The following SPSB4 variants were observed in gnomAD, a reference collection of about 807,000 sequenced individuals.
SPSB4 encodes the protein splA/ryanodine receptor domain and SOCS box containing 4, also known as SPRY domain-containing SOCS box protein 4.
SPSB4 carries 21 observed loss-of-function variants against 20.9 expected under a neutral mutation model. The ratio of observed to expected loss-of-function variants is 1.01; its 90% CI spans 0.71 to 1.45. The LOEUF (loss-of-function observed/expected upper bound fraction) is 1.45, where lower values mean the gene tolerates loss of function less well. Ranked by LOEUF, SPSB4 falls within the 40% of genes most tolerant of loss-of-function variation. The pLI, the probability that SPSB4 is intolerant of heterozygous loss-of-function variation, is 0.00. For synonymous variants in SPSB4, 207 were observed against 183.8 expected (o/e 1.13, Z -1.02); for missense variants, 399 against 399.2 (o/e 1.00, Z 0.00).
chr3:141,111,014 A>G (rs1013215264), intron 2 of SPSB4, among the ~76,000 whole-genome samples: 6 of 152,196 alleles, frequency 3.9e-5, no homozygotes, highest in Admixed American at 3.9e-4. Flanking sequence ...CTCTAACGTC[A>G]TACTTCTGGC....
chr3:141,131,976 T>C (rs1939138900), intron 2 of SPSB4, among the ~76,000 whole-genome samples: 1 of 152,206 alleles, frequency 6.6e-6, no homozygotes, highest in African/African-American at 2.4e-5. Context: ...ACTATCTTTT[T>C]CATTTTAGTC....
At chr3:141,133,595 G>T (rs1016398224) in intron 2 of SPSB4, among the ~76,000 whole-genome samples, 1 of 152,158 alleles carries the variant, frequency 6.6e-6, no homozygotes, top group Non-Finnish European at 1.5e-5. Context: ...AGATCAGTTG[G>T]CTGTGGGTAT....
intron 2 of SPSB4, chr3:141,117,166 T>C (rs1218347366): frequency 6.6e-6 from 1 of 152,268 alleles, no homozygotes; most frequent in Non-Finnish European, 1.5e-5. Context: ...CTGTCATTGA[T>C]TGATTGCCCA....
chr3:141,101,722 T>A (rs1487787323), intron 2 of SPSB4, among the ~76,000 whole-genome samples: 1 of 152,202 alleles, frequency 6.6e-6, no homozygotes, highest in East Asian at 1.9e-4. Context: ...CTAAATTCTT[T>A]CCCACGTATT....
chr3:141,089,613 G>T (rs1455976650), intron 2 of SPSB4, among the ~76,000 whole-genome samples: 1 of 152,126 alleles, frequency 6.6e-6, no homozygotes, highest in Non-Finnish European at 1.5e-5. Flanking sequence ...CAACGTCTTG[G>T]CCTGTAGTTT....
intron 2 of SPSB4, among the ~76,000 whole-genome samples, chr3:141,131,126 T>C (rs1033619034): frequency 1.3e-5 from 2 of 152,120 alleles, no homozygotes; most frequent in Admixed American, 6.5e-5. Context: ...TGTTACGTCA[T>C]ACCATCATCA....
intron 2 of SPSB4, among the ~76,000 whole-genome samples, chr3:141,126,223 A>C (rs1478352101): frequency 6.6e-6 from 1 of 152,184 alleles, no homozygotes; most frequent in Non-Finnish European, 1.5e-5. Flanking sequence ...TTAATGGAAG[A>C]ACTGAGGCTC....
intron 2 of SPSB4, among the ~76,000 whole-genome samples, chr3:141,091,316 G>T (rs1329654089): frequency 6.6e-6 from 1 of 152,174 alleles, no homozygotes; most frequent in East Asian, 1.9e-4. Flanking sequence ...AGGGATAAAA[G>T]CCATAACCAC....
chr3:141,073,394 T>G (rs1938042884), intron 2 of SPSB4, among the ~76,000 whole-genome samples: 1 of 152,226 alleles, frequency 6.6e-6, no homozygotes, highest in Non-Finnish European at 1.5e-5. Context: ...TTTTTAAAAT[T>G]TATTAATTTG....
chr3:141,059,380 C>T (rs530677426), intron 1 of SPSB4, among the ~76,000 whole-genome samples: 1 of 151,874 alleles, frequency 6.6e-6, no homozygotes, highest in African/African-American at 2.4e-5. Flanking sequence ...GCAGGCTTTA[C>T]AGGAAGCACG....
intron 2 of SPSB4, among the ~76,000 whole-genome samples, chr3:141,075,132 A>G (rs572717562): frequency 1.3e-5 from 2 of 152,302 alleles, no homozygotes; most frequent in Admixed American, 1.3e-4. Context: ...GCAGTTTCTG[A>G]GTCCGTATTG....
intron 2 of SPSB4, among the ~76,000 whole-genome samples, chr3:141,071,817 C>G (rs1470335329): frequency 6.6e-6 from 1 of 152,200 alleles, no homozygotes; most frequent in Non-Finnish European, 1.5e-5. Flanking sequence ...TATTTCCAGA[C>G]GTCTTTCCTA....
intron 2 of SPSB4, among the ~76,000 whole-genome samples, chr3:141,116,503 ACTT>A (rs2107799944): frequency 6.6e-6 from 1 of 152,286 alleles, no homozygotes; most frequent in East Asian, 1.9e-4. Flanking sequence ...CCATCATCCC[ACTT>A]CTTCATGGGA....
chr3:141,143,895 A>G (rs892641662), intron 2 of SPSB4, among the ~76,000 whole-genome samples: 1 of 152,262 alleles, frequency 6.6e-6, no homozygotes, highest in Non-Finnish European at 1.5e-5. Context: ...AGACAAACAT[A>G]TGAGTCCTCA....
At chr3:141,107,475 A>C (rs1409882324) in intron 2 of SPSB4, among the ~76,000 whole-genome samples, 4 of 152,230 alleles carry the variant, frequency 2.6e-5, no homozygotes, top group Non-Finnish European at 4.4e-5. Flanking sequence ...CTATGTGTCC[A>C]TCCAGGGCAA....
At chr3:141,083,566 A>G (rs995439325) in intron 2 of SPSB4, among the ~76,000 whole-genome samples, 5 of 151,978 alleles carry the variant, frequency 3.3e-5, no homozygotes, top group Admixed American at 3.3e-4. Context: ...CCCAGCCCTC[A>G]GTGCAGCCTC....
intron 1 of SPSB4, among the ~76,000 whole-genome samples, chr3:141,053,252 C>T (rs1325951512): frequency 7.7e-6 from 1 of 130,318 alleles, no homozygotes; most frequent in Non-Finnish European, 1.6e-5. Context: ...GAGCTTAAGT[C>T]TGGAAGACGT....
At position 141,066,284 on chromosome 3, in the gene SPSB4, C is replaced by T; in HGVS notation, c.180C>T (p.Asp60=). Reference sequence around the variant, plus strand: ...TGCGGCACGCGTGGAACCCCGAGGACCGCTCGCTCAACGTCTTCGTCAAGG... The same window carrying T: ...TGCGGCACGCGTGGAACCCCGAGGATCGCTCGCTCAACGTCTTCGTCAAGG... ...VQLRHAWNPE[D]RSLNVFVKDD... is the part of the protein sequence containing the mutation. The change falls in exon 2 of 3, where the codon GAC becomes GAT. Residue 60 remains aspartate (D), a synonymous_variant. Coordinates refer to ENST00000310546, the MANE Select transcript of SPSB4 (RefSeq NM_080862.3). 1 of 1,566,046 alleles carries T rather than the reference C, an allele frequency of 6.4e-7. No individual in the cohort carries two copies.
chr3:141,079,025 G>A (rs987893294), intron 2 of SPSB4, among the ~76,000 whole-genome samples: 14 of 152,296 alleles, frequency 9.2e-5, no homozygotes, highest in Non-Finnish European at 1.9e-4. Flanking sequence ...ACTTTGGGAG[G>A]CCGAGGTGGG....
Sources: gnomAD v4.1 joint callset for allele counts (sites outside exome capture counted in the v4.1 genomes callset) on GRCh38, gnomAD v4.1.1 for gene constraint, MANE v1.5 for transcripts, NCBI Gene and HGNC (gene_info 2026-07-23, HGNC 2026-07-21) for gene names.